The following NKAIN3 variants were observed in gnomAD, a reference collection of about 807,000 sequenced individuals.
NKAIN3 encodes sodium/potassium-transporting ATPase subunit beta-1-interacting protein 3.
A neutral mutation model predicts 30.2 loss-of-function variants in NKAIN3; 25 were observed. The ratio of observed to expected loss-of-function variants is 0.83; its 90% confidence interval spans 0.60 to 1.16. The LOEUF (loss-of-function observed/expected upper bound fraction) is 1.16. NKAIN3 is among the 50% of genes most tolerant of loss of function. NKAIN3 has a pLI of 0.00. For synonymous variants in NKAIN3, 91 were observed against 89.6 expected (o/e 1.02, Z -0.09); for missense variants, 225 against 254.1 (o/e 0.89, Z 0.78).
intron 5 of NKAIN3, among the ~76,000 whole-genome samples, chr8:62,950,296 A>G (rs1823246652): frequency 6.6e-6 from 1 of 151,892 alleles, no homozygotes; most frequent in African/African-American, 2.4e-5. Flanking sequence ...CTCTCATCCC[A>G]CTCTAGCAAA....
At chr8:62,463,157 T>A (rs1806048154) in intron 1 of NKAIN3, among the ~76,000 whole-genome samples, 1 of 152,216 alleles carries the variant, frequency 6.6e-6, no homozygotes, top group East Asian at 1.9e-4. Flanking sequence ...TTTTTACAAT[T>A]TCACTCACAG....
chr8:62,359,496 A>G (rs2129592378), intron 1 of NKAIN3, among the ~76,000 whole-genome samples: 1 of 152,330 alleles, frequency 6.6e-6, no homozygotes, highest in Middle Eastern at 3.4e-3. Context: ...CCTGCAGAGC[A>G]GAGAGACTTC....
intron 4 of NKAIN3, among the ~76,000 whole-genome samples, chr8:62,891,225 A>T (rs930858502): frequency 1.3e-5 from 2 of 152,210 alleles, no homozygotes; most frequent in Non-Finnish European, 2.9e-5. Flanking sequence ...AATAAAGCAG[A>T]CAGAAAAAGG....
intron 4 of NKAIN3, among the ~76,000 whole-genome samples, chr8:62,763,259 A>AAAAAAAAAAAAAAAAAAAAC (rs1563551311): frequency 7.1e-6 from 1 of 140,380 alleles, no homozygotes; most frequent in African/African-American, 2.8e-5. Flanking sequence ...AAAAAAAAAA[A>AAAAAAAAAAAAAAAAAAAAC]AACTTATATA....
At chr8:62,962,656 C>T (rs56163541) in intron 6 of NKAIN3, among the ~76,000 whole-genome samples, 49,016 of 151,896 alleles carry the variant, frequency 0.32, 8,223 homozygotes, top group East Asian at 0.58. Context: ...GTGACAACCA[C>T]TACTGTCTCC....
intron 3 of NKAIN3, among the ~76,000 whole-genome samples, chr8:62,729,050 A>AAAAAAAAAAAAAAAAAAAAAAAAAAAC: frequency 7.0e-6 from 1 of 143,388 alleles, no homozygotes; most frequent in Admixed American, 7.1e-5. Flanking sequence ...CAAAAAAAAA[A>AAAAAAAAAAAAAAAAAAAAAAAAAAAC]AACCTCCTGC....
At chr8:62,904,871 T>C (rs1012904195) in intron 4 of NKAIN3, among the ~76,000 whole-genome samples, 2 of 152,188 alleles carry the variant, frequency 1.3e-5, no homozygotes, top group African/African-American at 4.8e-5. Flanking sequence ...ATGCGAAATG[T>C]GCCTTATTCA....
chr8:62,729,052 A>AAAAAAC (rs1815382295), intron 3 of NKAIN3, among the ~76,000 whole-genome samples: 9 of 138,496 alleles, frequency 6.5e-5, no homozygotes, highest in Admixed American at 1.5e-4. Context: ...AAAAAAAAAA[A>AAAAAAC]CCTCCTGCTC....
intron 1 of NKAIN3, among the ~76,000 whole-genome samples, chr8:62,390,411 G>GTATATGTACAACATTTTCTTTATCTA (rs1226342368): frequency 6.6e-6 from 1 of 152,152 alleles, no homozygotes; most frequent in East Asian, 1.9e-4. Flanking sequence ...ATTCCATGGT[G>GTATATGTACAACATTTTCTTTATCTA]TATATGTACA....
At chr8:62,376,084 C>T (rs1386225374) in intron 1 of NKAIN3, among the ~76,000 whole-genome samples, 1 of 152,154 alleles carries the variant, frequency 6.6e-6, no homozygotes, top group East Asian at 1.9e-4. Context: ...AAATGTTGAA[C>T]TGCAATTGTA....
chr8:62,475,783 T>G (rs547580020), intron 1 of NKAIN3, among the ~76,000 whole-genome samples: 1 of 152,184 alleles, frequency 6.6e-6, no homozygotes. Flanking sequence ...TGGAAACTCA[T>G]GTTGATATAA....
At chr8:62,633,275 C>T (rs556055089) in intron 3 of NKAIN3, among the ~76,000 whole-genome samples, 30 of 152,150 alleles carry the variant, frequency 2.0e-4, no homozygotes, top group Non-Finnish European at 3.7e-4. Flanking sequence ...TGAAGATTCA[C>T]CCTCACCTTA....
chr8:62,402,927 A>G (rs1169649700), intron 1 of NKAIN3, among the ~76,000 whole-genome samples: 1 of 152,150 alleles, frequency 6.6e-6, no homozygotes, highest in Non-Finnish European at 1.5e-5. Context: ...GAAAGTTGGG[A>G]ACTTCCTAGA....
At chr8:62,681,555 T>C (rs1245172375) in intron 3 of NKAIN3, among the ~76,000 whole-genome samples, 1 of 152,182 alleles carries the variant, frequency 6.6e-6, no homozygotes, top group Non-Finnish European at 1.5e-5. Flanking sequence ...GTGTGGCCAT[T>C]TATCTTCTTT....
At chr8:62,759,153 A>C (rs1303218646) in intron 4 of NKAIN3, among the ~76,000 whole-genome samples, 1 of 152,196 alleles carries the variant, frequency 6.6e-6, no homozygotes, top group Admixed American at 6.6e-5. Context: ...TCTGAATTTT[A>C]GTTTTTTATA....
At chr8:62,740,669 C>A (rs12677485) in intron 3 of NKAIN3, among the ~76,000 whole-genome samples, 1 of 151,468 alleles carries the variant, frequency 6.6e-6, no homozygotes. Flanking sequence ...TAAGCTGATT[C>A]TAATATAGCA....
intron 5 of NKAIN3, among the ~76,000 whole-genome samples, chr8:62,930,699 A>G (rs1822589979): frequency 6.7e-6 from 1 of 150,032 alleles, no homozygotes; most frequent in African/African-American, 2.5e-5. Context: ...CATGTATCAG[A>G]ATTTCATCCT....
At chr8:62,595,382 CTTTTTT>C (rs1181598520) in intron 3 of NKAIN3, among the ~76,000 whole-genome samples, 1 of 109,952 alleles carries the variant, frequency 9.1e-6, no homozygotes, top group Admixed American at 1.1e-4. Context: ...GGGCTATTTT[CTTTTTT>C]TTTTTTTTTT....
chr8:62,908,206 T>C (rs1158816495), intron 4 of NKAIN3, among the ~76,000 whole-genome samples: 2 of 152,216 alleles, frequency 1.3e-5, no homozygotes. Flanking sequence ...CTCCTTTGTT[T>C]GGCCAGTTTC....
Sources: gnomAD v4.1 joint callset for allele counts (sites outside exome capture counted in the v4.1 genomes callset) on GRCh38, gnomAD v4.1.1 for gene constraint, MANE v1.5 for transcripts, NCBI Gene and HGNC (gene_info 2026-07-23, HGNC 2026-07-21) for gene names.